GLMN: variants seen among roughly 807,000 people sequenced by gnomAD.
The protein encoded by GLMN is glomulin, FKBP associated protein.
A neutral mutation model predicts 87.8 loss-of-function variants in GLMN; 75 were observed. That is an observed-to-expected ratio of 0.85 (90% confidence interval 0.71 to 1.04). GLMN has a LOEUF of 1.04. GLMN is among the 50% of genes least tolerant of loss of function. GLMN has a pLI of 0.00. For missense variants in GLMN, 588 were observed against 658.8 expected (o/e 0.89, Z 1.18); for synonymous variants, 206 against 221.6 (o/e 0.93, Z 0.63).
intron 12 of GLMN, 40 bp downstream of exon 12, chr1:92,266,660 C>T (rs1368325490): frequency 3.5e-6 from 5 of 1,423,428 alleles, no homozygotes; most frequent in Non-Finnish European, 4.9e-6. Flanking sequence ...AATTTTCTCA[C>T]TGTAACTCAT....
intron 6 of GLMN, among the ~76,000 whole-genome samples, chr1:92,288,675 C>T (rs1309541203): frequency 2.6e-5 from 4 of 152,176 alleles, no homozygotes; most frequent in Non-Finnish European, 5.9e-5. Context: ...GCAATCCTCT[C>T]ACTTCAGTCT....
At chr1:92,351,305 C>CAAAAAAAAAAAAAAA in the GLMN span, among the ~76,000 whole-genome samples, 8 of 86,836 alleles carry the variant, frequency 9.2e-5, no homozygotes, top group African/African-American at 3.4e-4. Flanking sequence ...GACTCTGTCT[C>CAAAAAAAAAAAAAAA]AAAAAAAAAA....
chr1:92,249,192 A>G (rs1653103580), intron 16 of GLMN, among the ~76,000 whole-genome samples: 1 of 152,000 alleles, frequency 6.6e-6, no homozygotes, highest in Non-Finnish European at 1.5e-5. Flanking sequence ...AAAAAGAAAA[A>G]ATGTACAGAC....
At chr1:92,339,152 T>G in the GLMN span, among the ~76,000 whole-genome samples, 6 of 152,180 alleles carry the variant, frequency 3.9e-5, no homozygotes, top group Non-Finnish European at 5.9e-5. Context: ...TGATGTCTCT[T>G]TTTTAAAAAA....
the GLMN span, chr1:92,324,386 C>G: frequency 1.3e-6 from 2 of 1,584,624 alleles, no homozygotes; most frequent in Admixed American, 3.6e-5. Context: ...GTATGTCTTA[C>G]AGACATTGAG....
chr1:92,247,849 AAT>A, intron 17 of GLMN, 27 bp downstream of exon 17: 2 of 840,744 alleles, frequency 2.4e-6, no homozygotes, highest in Admixed American at 3.4e-5. Flanking sequence ...TTTTAGACCT[AAT>A]TGAAAACAAA....
intron 17 of GLMN, 37 bp from the exon 18 acceptor site, chr1:92,247,181 C>G (rs777958203): frequency 1.0e-6 from 1 of 964,974 alleles, no homozygotes; most frequent in Admixed American, 1.7e-5. Flanking sequence ...ACACTTAACT[C>G]TCAGATTTCA....
At chr1:92,299,246 A>G, upstream of GLMN, 1 of 603,658 alleles carries the variant, frequency 1.7e-6, no homozygotes. Context: ...AGGCTGCTTC[A>G]GGGGAGGGGT....
intron 14 of GLMN, 113 bp from the exon 15 acceptor site, chr1:92,263,845 A>C: frequency 2.7e-6 from 2 of 737,028 alleles, no homozygotes; most frequent in Non-Finnish European, 5.0e-6. Flanking sequence ...TACAGTTTTT[A>C]ACTTTAATTT....
At position 92,290,270 on chromosome 1, in the gene GLMN, C is replaced by T; in HGVS notation, c.322G>A (p.Glu108Lys). 1 of 1,606,544 alleles carries T rather than the reference C, an allele frequency of 6.2e-7. No homozygotes were observed. The highest frequency in any genetic ancestry group is 2.2e-5 in the East Asian group (1 of 44,754). ...NPKELLLGLL[E>K]LIEEPSGKQI... Reference sequence around the variant, plus strand: ...TTTCCAGAGGGCTCTTCAATCAGTTCAAGCAAACCCAACAATAATTCCTTT... The same window carrying T: ...TTTCCAGAGGGCTCTTCAATCAGTTTAAGCAAACCCAACAATAATTCCTTT... Residue 108 changes from glutamate to lysine, a missense_variant, in exon 5 of 19, where the codon GAA (glutamate) becomes AAA (lysine). By Grantham distance (56) the Glu-to-Lys change is moderately conservative. Transcript: ENST00000370360.
chr1:92,301,789 GAA>G (rs1394315712), upstream of GLMN, among the ~76,000 whole-genome samples: 1 of 152,094 alleles, frequency 6.6e-6, no homozygotes, highest in Non-Finnish European at 1.5e-5. Flanking sequence ...ATGCACTAAT[GAA>G]AAATAAGTAC....
the GLMN span, among the ~76,000 whole-genome samples, chr1:92,317,007 G>C: frequency 1.3e-5 from 2 of 152,150 alleles, no homozygotes; most frequent in South Asian, 2.1e-4. Context: ...GAAGAAAATA[G>C]TTTGTAAAGT....
chr1:92,259,813 C>G (rs1418048720), intron 16 of GLMN, among the ~76,000 whole-genome samples: 1 of 143,586 alleles, frequency 7.0e-6, no homozygotes, highest in African/African-American at 2.6e-5. Context: ...CGGCTCACTG[C>G]AAGCTCCGCC....
intron 7 of GLMN, among the ~76,000 whole-genome samples, chr1:92,273,245 C>A (rs1347390530): frequency 2.0e-5 from 3 of 152,182 alleles, no homozygotes; most frequent in Admixed American, 2.0e-4. Context: ...AAATCATCCT[C>A]AGTCACAAGA....
At chr1:92,307,182 T>C in the GLMN span, 1 of 1,601,742 alleles carries the variant, frequency 6.2e-7, no homozygotes, top group Non-Finnish European at 8.5e-7. Flanking sequence ...ATAATGTTCT[T>C]TTCAGTCTTT....
chr1:92,263,424 T>C (rs927303077), intron 15 of GLMN, among the ~76,000 whole-genome samples, 199 bp downstream of exon 15: 1 of 152,222 alleles, frequency 6.6e-6, no homozygotes, highest in Non-Finnish European at 1.5e-5. Context: ...TGGTCATTCA[T>C]CTAGAAAGAG....
At chr1:92,301,705 C>G, upstream of GLMN, 1 of 448,842 alleles carries the variant, frequency 2.2e-6, no homozygotes, top group Non-Finnish European at 3.9e-6. Context: ...TCATTAGATG[C>G]AGATAACAAT....
chr1:92,318,853 A>G, the GLMN span, among the ~76,000 whole-genome samples: 3 of 152,222 alleles, frequency 2.0e-5, no homozygotes, highest in African/African-American at 7.2e-5. Context: ...CCATTTCAGG[A>G]GAGAAATGAG....
chr1:92,355,760 G>A, the GLMN span, among the ~76,000 whole-genome samples: 2 of 152,166 alleles, frequency 1.3e-5, no homozygotes, highest in Admixed American at 6.5e-5. Context: ...GATGCTCAAA[G>A]GAAATACTCA....
Sources: allele counts gnomAD v4.1 joint callset (sites outside exome capture counted in the v4.1 genomes callset), GRCh38; gene constraint gnomAD v4.1.1; transcripts MANE v1.5; gene names NCBI Gene and HGNC (gene_info 2026-07-23, HGNC 2026-07-21).